Variants in ARMC8 observed in about 807,000 individuals in gnomAD.
The protein encoded by ARMC8 is armadillo repeat containing 8, also known as armadillo repeat-containing protein 8.
A neutral mutation model predicts 99.3 loss-of-function variants in ARMC8; 20 were observed. That is an observed-to-expected ratio of 0.20 (90% CI 0.14 to 0.29). ARMC8 has a LOEUF of 0.29. Among genes scored for constraint, ARMC8 ranks in the 10% least tolerant of loss-of-function variants. The probability of loss-of-function intolerance (pLI) is 1.00; values close to 1 mark genes in which losing one functional copy is unlikely to be tolerated. For missense variants in ARMC8, 569 were observed against 809.5 expected (o/e 0.70, Z 3.60); for synonymous variants, 263 against 278.3 (o/e 0.95, Z 0.55).
chr3:138,264,020 C>T, intron 13 of ARMC8, 111 bp from the exon 14 acceptor site: 1 of 1,054,166 alleles, frequency 9.5e-7, no homozygotes, highest in Non-Finnish European at 1.4e-6. Flanking sequence ...GTTCACTTAA[C>T]AATGTAGATA....
intron 14 of ARMC8, among the ~76,000 whole-genome samples, chr3:138,265,840 G>A (rs746199709): frequency 1.3e-4 from 20 of 152,154 alleles, no homozygotes; most frequent in Non-Finnish European, 2.6e-4. Context: ...CATTGAGGAG[G>A]TTCATCTAGT....
intron 6 of ARMC8, 159 bp downstream of exon 6, chr3:138,229,169 T>TATATATATACAC (rs1559957911): frequency 2.5e-4 from 12 of 48,894 alleles, no homozygotes; most frequent in African/African-American, 7.8e-4. Context: ...TATATATATA[T>TATATATATACAC]ATATATATAT....
At chr3:138,267,984 T>G (rs2048433083) in intron 15 of ARMC8, among the ~76,000 whole-genome samples, 1 of 152,096 alleles carries the variant, frequency 6.6e-6, no homozygotes, top group African/African-American at 2.4e-5. Context: ...GGTTCATGCG[T>G]GTAAACCCAG....
chr3:138,208,338 C>G (rs553299587), intron 1 of ARMC8, among the ~76,000 whole-genome samples: 1 of 151,982 alleles, frequency 6.6e-6, no homozygotes, highest in Non-Finnish European at 1.5e-5. Flanking sequence ...TGGTGGTGCG[C>G]GCCTGTAATC....
chr3:138,187,653 C>G (rs2043137610), intron 1 of ARMC8, 54 bp downstream of exon 1: 1 of 1,521,096 alleles, frequency 6.6e-7, no homozygotes, highest in Admixed American at 2.0e-5. Flanking sequence ...TCATCCCGGT[C>G]TCCACCATTC....
At chr3:138,205,173 A>AT (rs2044300364) in intron 1 of ARMC8, among the ~76,000 whole-genome samples, 2 of 138,982 alleles carry the variant, frequency 1.4e-5, no homozygotes, top group Middle Eastern at 9.3e-3. Context: ...GGTTCAAGTG[A>AT]TTCTCCTGCC....
At chr3:138,237,599 A>C (rs199891060) in intron 9 of ARMC8, 27 bp downstream of exon 9, 4 of 1,577,068 alleles carry the variant, frequency 2.5e-6, no homozygotes, top group East Asian at 2.2e-5. Flanking sequence ...TGTGGGAAGA[A>C]AGACAGTGCT....
intron 2 of ARMC8, among the ~76,000 whole-genome samples, chr3:138,214,192 A>T (rs991736648): frequency 6.6e-6 from 1 of 151,860 alleles, no homozygotes; most frequent in Non-Finnish European, 1.5e-5. Context: ...AGATATCCCT[A>T]CATGGCCCTT....
rs569409363 is a variant in ARMC8 at position 138,275,233 on chromosome 3, T to A, written c.1725+689T>A. 3.3e-5 allele frequency among the ~76,000 whole-genome samples: 5 copies of A among 152,226 alleles called. No homozygotes were observed. The South Asian group carries it at 1.0e-3, about 32-fold the overall frequency. On this transcript the variant is annotated intron_variant, in intron 18 of 21. Coordinates refer to ENST00000469044, the MANE Select transcript of ARMC8 (RefSeq NM_001363941.2). ...GCGATCTTCAGTTTTTTGACATAGG[T>A]TTTGGCTACATGGTTATGTTCTCTT...
chr3:138,206,158 A>G (rs2044361826), intron 1 of ARMC8, among the ~76,000 whole-genome samples: 1 of 152,228 alleles, frequency 6.6e-6, no homozygotes, highest in South Asian at 2.1e-4. Context: ...GAAATACTTG[A>G]TTCATATTTA....
At chr3:138,291,898 A>C (rs953550385) in intron 21 of ARMC8, among the ~76,000 whole-genome samples, 1 of 152,242 alleles carries the variant, frequency 6.6e-6, no homozygotes, top group African/African-American at 2.4e-5. Flanking sequence ...GGAAGAATCC[A>C]GACCATGAAG....
At chr3:138,261,358 A>G (rs2047724146) in intron 12 of ARMC8, 2 of 152,222 alleles carry the variant, frequency 1.3e-5, no homozygotes, top group African/African-American at 2.4e-5. Context: ...TACCGTTAGC[A>G]AAAACAGAAA....
intron 1 of ARMC8, among the ~76,000 whole-genome samples, chr3:138,201,488 A>T (rs1164906897): frequency 1.3e-5 from 1 of 78,172 alleles, no homozygotes; most frequent in Non-Finnish European, 2.3e-5. Flanking sequence ...CCTGAGACAG[A>T]GTCTTGCTCT....
At chr3:138,263,226 G>A (rs1237589298) in intron 12 of ARMC8, among the ~76,000 whole-genome samples, 1 of 152,224 alleles carries the variant, frequency 6.6e-6, no homozygotes, top group Non-Finnish European at 1.5e-5. Context: ...GTGATTATAT[G>A]TAGCAGCACT....
intron 18 of ARMC8, among the ~76,000 whole-genome samples, chr3:138,277,109 C>G (rs1452693971): frequency 6.6e-6 from 1 of 152,000 alleles, no homozygotes; most frequent in Non-Finnish European, 1.5e-5. Context: ...ACTAGAGAGT[C>G]CAGAAATAGA....
At chr3:138,278,536 AAAATT>A (rs1161899665) in intron 18 of ARMC8, among the ~76,000 whole-genome samples, 4 of 152,298 alleles carry the variant, frequency 2.6e-5, no homozygotes, top group Non-Finnish European at 5.9e-5. Context: ...TTTGGTAAAT[AAAATT>A]ACTACCAAAA....
intron 5 of ARMC8, among the ~76,000 whole-genome samples, chr3:138,225,121 T>TC (rs1239371374): frequency 1.6e-4 from 24 of 149,968 alleles, no homozygotes; most frequent in Admixed American, 1.5e-3. Flanking sequence ...TTTTTTTTTT[T>TC]TTTTTTTGGA....
intron 5 of ARMC8, 151 bp from the exon 6 acceptor site, chr3:138,228,767 C>G (rs762651712): frequency 2.5e-5 from 15 of 592,490 alleles, no homozygotes; most frequent in African/African-American, 5.6e-5. Context: ...TTCATGGCCT[C>G]GTTGCTTTTG....
chr3:138,295,819 A>T (rs754397077), intron 21 of ARMC8, 40 bp from the exon 22 acceptor site: 21 of 1,610,772 alleles, frequency 1.3e-5, no homozygotes, highest in Admixed American at 5.0e-5. Flanking sequence ...CCCCAATTAC[A>T]ATTCTGAGAT....
Sources: gnomAD v4.1 joint callset for allele counts (sites outside exome capture counted in the v4.1 genomes callset) on GRCh38, gnomAD v4.1.1 for gene constraint, MANE v1.5 for transcripts, NCBI Gene and HGNC (gene_info 2026-07-23, HGNC 2026-07-21) for gene names.